The following LDLRAD2 variants were observed in gnomAD, a reference collection of about 807,000 sequenced individuals.
LDLRAD2 encodes low density lipoprotein receptor class A domain containing 2.
Under a neutral mutation model 24.9 loss-of-function variants are expected in LDLRAD2, and 25 were observed. The ratio of observed to expected loss-of-function variants is 1.00; its 90% CI spans 0.73 to 1.40. The LOEUF is 1.40. LDLRAD2 is among the 40% of genes most tolerant of loss of function. The pLI, the probability that LDLRAD2 is intolerant of heterozygous loss-of-function variation, is 0.00. For missense variants in LDLRAD2, 391 were observed against 366.2 expected (o/e 1.07, Z -0.55); for synonymous variants, 182 against 166.7 (o/e 1.09, Z -0.71).
chr1:21,821,709 T>C (rs577519849), intron 4 of LDLRAD2, 98 bp downstream of exon 4: 10 of 1,549,518 alleles, frequency 6.5e-6, no homozygotes, highest in Middle Eastern at 1.9e-4. Context: ...CTGAGTGGAC[T>C]TTCTCTTCCC....
intron 1 of LDLRAD2, among the ~76,000 whole-genome samples, chr1:21,813,253 C>T (rs2097940318): frequency 6.6e-6 from 1 of 152,100 alleles, no homozygotes; most frequent in African/African-American, 2.4e-5. Context: ...CGAGATTGCG[C>T]CACTGCACTC....
In LDLRAD2 at chr1:21,814,418, G is replaced by A. The variant is rs765147969; in HGVS notation, c.106G>A (p.Gly36Arg). 1.2e-6 allele frequency: 2 copies of A among 1,605,508 alleles called. No homozygotes were observed. The highest frequency in any genetic ancestry group is 2.2e-5 in the East Asian group (1 of 44,512). Residue 36 changes from glycine (G) to arginine (R), a missense_variant, in exon 2 of 5, where the codon GGG becomes AGG. By Grantham distance (125) the Gly-to-Arg change is moderately radical. Transcript: ENST00000344642. ...TGCAGCCGACCTGGCGGAACTGTGC[G>A]GGCAGACGTGGCAGGGGGACGGGCT... is the stretch of plus-strand genomic sequence containing the variant. The part of the protein sequence containing the change: ...LETADLAELC[G>R]QTWQGDGLLL...
intron 3 of LDLRAD2, among the ~76,000 whole-genome samples, chr1:21,819,952 G>C (rs928503951): frequency 1.3e-5 from 2 of 152,176 alleles, no homozygotes; most frequent in African/African-American, 4.8e-5. Flanking sequence ...GTAGGAGCAA[G>C]AGAGAGTGAG....
intron 1 of LDLRAD2, among the ~76,000 whole-genome samples, chr1:21,812,936 A>G (rs1221361383): frequency 6.6e-6 from 1 of 152,264 alleles, no homozygotes; most frequent in Non-Finnish European, 1.5e-5. Context: ...TTAAGGGACT[A>G]TGATTATTGG....
chr1:21,821,480 G>C lies in LDLRAD2; in HGVS notation c.674G>C (p.Ser225Thr). The C allele has an allele frequency of 6.2e-7, 1 of 1,614,144 alleles. No individual in the cohort carries two copies. Among genetic ancestry groups the C allele is most frequent in the Non-Finnish European group, 8.5e-7 (1 of 1,180,012 alleles). Reference protein sequence around the residue: ...GPSPVPSQTGSTDAHTSRSLT... With the variant: ...GPSPVPSQTGTTDAHTSRSLT... ...TCTCCGGTGCCCAGCCAGACAGGAA[G>C]TACAGATGCCCATACCTCCAGATCC... Residue 225 changes from serine (S) to threonine (T), a missense_variant, in exon 4 of 5, where the codon AGT becomes ACT. Ser to Thr is a moderately conservative substitution (Grantham distance 58). Transcript: ENST00000344642.
chr1:21,822,133 G>C, intron 4 of LDLRAD2, 69 bp from the exon 5 acceptor site: 1 of 1,613,266 alleles, frequency 6.2e-7, no homozygotes, highest in South Asian at 1.1e-5. Context: ...GGGCCTGGGG[G>C]CCTCGCTGAT....
intron 1 of LDLRAD2, among the ~76,000 whole-genome samples, 155 bp from the exon 2 acceptor site, chr1:21,814,243 C>A (rs1265456083): frequency 1.3e-5 from 2 of 152,232 alleles, no homozygotes; most frequent in African/African-American, 2.4e-5. Context: ...TCCTTACAAT[C>A]ATTCTGAGAT....
At chr1:21,816,162 G>A (rs577448198) in intron 3 of LDLRAD2, 88 bp downstream of exon 3, 34 of 1,532,152 alleles carry the variant, frequency 2.2e-5, no homozygotes, top group Non-Finnish European at 2.5e-5. Context: ...GGCCCCGATG[G>A]GGAGGCAGGA....
At chr1:21,820,887 G>A (rs534062982) in intron 3 of LDLRAD2, among the ~76,000 whole-genome samples, 1 of 152,316 alleles carries the variant, frequency 6.6e-6, no homozygotes, top group African/African-American at 2.4e-5. Flanking sequence ...AGCACAGAGT[G>A]TGGTGCTTGA....
chr1:21,812,325 C>T lies in LDLRAD2; in HGVS notation c.-127C>T. 1 of 663,694 alleles carries T rather than the reference C, an allele frequency of 1.5e-6. No homozygotes were observed. The highest frequency in any genetic ancestry group is 2.7e-6 in the Non-Finnish European group (1 of 371,362). 41.1% of individuals were successfully genotyped at this position (663,694 alleles called of 1,614,324 possible). ...CTAAGATCATAGTGAAGACTTGCCT[C>T]CCCCTTCTCCTTGTGTCCCACCAGC... On this transcript the variant is annotated 5_prime_UTR_variant, in exon 1 of 5. Coordinates refer to ENST00000344642, the MANE Select transcript of LDLRAD2 (RefSeq NM_001013693.3).
chr1:21,821,214 C>T (rs1241836159), intron 3 of LDLRAD2, among the ~76,000 whole-genome samples: 1 of 152,156 alleles, frequency 6.6e-6, no homozygotes, highest in African/African-American at 2.4e-5. Context: ...AGTACATGTA[C>T]ACCCTCTTCC....
At chr1:21,821,958 T>C (rs2097952706) in intron 4 of LDLRAD2, 1 of 1,422,478 alleles carries the variant, frequency 7.0e-7, no homozygotes, top group Non-Finnish European at 9.1e-7. Context: ...AGGGAGGCCA[T>C]CCCTAGAGGG....
intron 4 of LDLRAD2, chr1:21,821,927 G>A: frequency 7.1e-7 from 1 of 1,416,658 alleles, no homozygotes; most frequent in Non-Finnish European, 9.2e-7. Context: ...CTGCAGTTGA[G>A]TGGCCCAGCC....
intron 3 of LDLRAD2, among the ~76,000 whole-genome samples, chr1:21,816,615 C>A (rs1233875019): frequency 6.6e-6 from 1 of 152,086 alleles, no homozygotes; most frequent in Non-Finnish European, 1.5e-5. Flanking sequence ...ACAAATCACC[C>A]AGGAATAACC....
In LDLRAD2 at chr1:21,824,149, C is replaced by T. The variant is rs781611518; in HGVS notation, c.*1934C>T. The T allele has an allele frequency of 1.6e-5, 26 of 1,613,490 alleles. No individual in the cohort carries two copies. The highest frequency in any genetic ancestry group is 3.3e-5 in the Admixed American group (2 of 60,002). On this transcript the variant is annotated 3_prime_UTR_variant, in exon 5 of 5. Coordinates refer to ENST00000344642, the MANE Select transcript of LDLRAD2 (RefSeq NM_001013693.3). The surrounding 1 kb of genome is among the most constrained non-coding windows in gnomAD (Gnocchi z 5.9). ...AGTGCTGTCACCCGGTGCCACTCGC[C>T]GTCATTGATGGGGTCCTCAGAGACC...
At chr1:21,821,394 CAA>C in intron 3 of LDLRAD2, 54 bp from the exon 4 acceptor site, 1 of 1,603,000 alleles carries the variant, frequency 6.2e-7, no homozygotes, top group East Asian at 2.2e-5. Context: ...ATGAAACACA[CAA>C]GTGTCCCAGA....
Position 21,815,951 on chromosome 1 carries a change from G to A in LDLRAD2, c.520G>A (p.Gly174Ser). The change falls in exon 3 of 5, where the codon GGT becomes AGT. Residue 174 changes from glycine (G) to serine (S), a missense_variant. Transcript: ENST00000344642. ...TCTGCTTCTGGCCTCAGGACCTTGTGGTGCCTACTTCCGCTGCCAGAATGG... is the reference window on the plus strand; with the variant it reads ...TCTGCTTCTGGCCTCAGGACCTTGTAGTGCCTACTTCCGCTGCCAGAATGG... ...EVTSFRLGPC[G>S]AYFRCQNGRC... The A allele has an allele frequency of 6.2e-7, 1 of 1,613,950 alleles. No individual in the cohort carries two copies. Among genetic ancestry groups the A allele is most frequent in the Admixed American group, 1.7e-5 (1 of 60,026 alleles).
rs753152129 is a variant in LDLRAD2, at chr1:21,814,774, C to T, written c.462C>T (p.Gly154=). The T allele has an allele frequency of 6.1e-6, 9 of 1,482,038 alleles. No homozygotes were observed. In the East Asian group the frequency reaches 2.0e-4, roughly 33 times the overall value. The allele number at this position is 1,482,038 out of a possible 1,614,324, so 91.8% of individuals were successfully genotyped here. Residue 154 remains glycine, a synonymous_variant, in exon 2 of 5, where the codon GGC becomes GGT. Transcript: ENST00000344642. ...PFLGLRLVTR[G]RQPRVDFVGE... is the part of the protein sequence containing the mutation. ...TAGGCCTGCGCCTGGTCACGAGAGG[C>T]CGCCAGCCCCGCGTGGACTTCGTGG...
intron 2 of LDLRAD2, among the ~76,000 whole-genome samples, chr1:21,815,241 ACT>A (rs2097942716): frequency 6.6e-6 from 1 of 151,728 alleles, no homozygotes; most frequent in African/African-American, 2.4e-5. Flanking sequence ...CACACTCCAC[ACT>A]CATGCCTCTC....
Sources: allele counts gnomAD v4.1 joint callset (sites outside exome capture counted in the v4.1 genomes callset), GRCh38; gene constraint gnomAD v4.1.1; non-coding constraint Gnocchi (gnomAD v3.1); transcripts MANE v1.5; gene names NCBI Gene and HGNC (gene_info 2026-07-23, HGNC 2026-07-21).